The following TMEM204 variants were observed in gnomAD, a reference collection of about 807,000 sequenced individuals.
TMEM204 encodes the protein claudin-like protein 24.
Under a neutral mutation model 19.4 loss-of-function variants are expected in TMEM204, and 15 were observed. That is an observed-to-expected ratio of 0.77 (90% CI 0.52 to 1.19). TMEM204 has a LOEUF of 1.19. Among genes scored for constraint, TMEM204 ranks in the 50% most tolerant of loss-of-function variants. The probability of loss-of-function intolerance (pLI) is 0.00; values close to 1 mark genes in which losing one functional copy is unlikely to be tolerated. For synonymous variants in TMEM204, 161 were observed against 146.0 expected (o/e 1.10, Z -0.74); for missense variants, 287 against 321.2 (o/e 0.89, Z 0.81).
At chr16:1,535,378 A>C (rs1323749089) in intron 1 of TMEM204, among the ~76,000 whole-genome samples, 4 of 152,184 alleles carry the variant, frequency 2.6e-5, no homozygotes, top group African/African-American at 9.7e-5. Context: ...CTCAACAGTC[A>C]CGGCACAGGG....
intron 2 of TMEM204, 29 bp from the exon 3 acceptor site, chr16:1,554,753 A>T: frequency 6.2e-7 from 1 of 1,610,534 alleles, no homozygotes; most frequent in East Asian, 2.2e-5. Flanking sequence ...CTCTCAGACA[A>T]GGCCTCTCAA....
upstream of TMEM204, chr16:1,533,630 G>A (rs1341211770): frequency 2.6e-5 from 4 of 152,238 alleles, no homozygotes; most frequent in African/African-American, 9.7e-5. This position sits in a 1 kb window ranked among gnomAD's most constrained non-coding sequence, Gnocchi z 4.7. Context: ...GGTTGGCTAC[G>A]CCTTCCAGCT....
rs1011925070 is a variant in TMEM204, at chr16:1,553,270, CTCTG to C, written c.437-1508_437-1505del. 1.0e-6 allele frequency: 1 copy of C among 979,698 alleles called. No individual in the cohort carries two copies. The highest frequency in any genetic ancestry group is 1.2e-6 in the Non-Finnish European group (1 of 824,950). 60.7% of individuals were successfully genotyped at this position (979,698 alleles called of 1,614,324 possible). On this transcript the variant is annotated intron_variant, in intron 2 of 2. Transcript: ENST00000566264. This position sits in a 1 kb window ranked among gnomAD's most constrained non-coding sequence, Gnocchi z 4.4. ...TCTGTCTCTCTGTATCTCTCTTGGTCTCTGTCTCTCTGTGTCTCTGCCTGTCTCT... is the reference window on the plus strand; with the variant it reads ...TCTGTCTCTCTGTATCTCTCTTGGTCTCTCTCTGTGTCTCTGCCTGTCTCT...
chr16:1,543,391 C>T (rs189059543), intron 2 of TMEM204, among the ~76,000 whole-genome samples: 187 of 152,330 alleles, frequency 1.2e-3, no homozygotes, highest in Middle Eastern at 3.4e-3. Flanking sequence ...GTGCCCTGAG[C>T]GAGTCAGGCC....
At position 1,534,118 on chromosome 16, in the gene TMEM204, G is replaced by A. The variant is rs147777368; in HGVS notation, c.-158G>A. 1.9e-5 allele frequency: 17 copies of A among 872,526 alleles called. No homozygotes were observed. The highest frequency in any genetic ancestry group is 1.6e-4 in the Admixed American group (5 of 30,706). The allele number at this position is 872,526 out of a possible 1,614,324, so 54.0% of individuals were successfully genotyped here. On this transcript the variant is annotated 5_prime_UTR_variant, in exon 1 of 3. Coordinates refer to ENST00000566264, the MANE Select transcript of TMEM204 (RefSeq NM_024600.6). ...GGAGGATAAGGCCGGGCCGAGAGGC[G>A]GCACACCTGGACCATCCCATGGGCC...
rs186729006 is a variant in TMEM204, at chr16:1,534,437, G to C, written c.162G>C (p.Arg54Ser). 1.3e-3 allele frequency: 2,092 copies of C among 1,611,952 alleles called. 60 individuals carry two copies. The East Asian group carries it at 0.043, about 33-fold the overall frequency. ...GLWRSCWLVD[R>S]TRGGPSPGAR... ...GGAGGTCCTGCTGGCTGGTGGACAG[G>C]ACCCGGGGAGGGCCGAGCCCTGGGG... The change falls in exon 1 of 3, where the codon AGG becomes AGC. Residue 54 changes from arginine to serine, a missense_variant. Coordinates refer to ENST00000566264, the MANE Select transcript of TMEM204 (RefSeq NM_024600.6).
intron 2 of TMEM204, among the ~76,000 whole-genome samples, chr16:1,543,433 T>C (rs985315749): frequency 6.6e-6 from 1 of 152,100 alleles, no homozygotes; most frequent in Non-Finnish European, 1.5e-5. Context: ...TAGCATGGCG[T>C]GGCCCTGGGC....
chr16:1,554,762 A>G lies in TMEM204; in HGVS notation c.437-20A>G. The G allele has an allele frequency of 1.9e-6, 3 of 1,612,840 alleles. No homozygotes were observed. The highest frequency in any genetic ancestry group is 2.5e-6 in the Non-Finnish European group (3 of 1,179,016). On this transcript the variant is annotated intron_variant, in intron 2 of 2. Transcript: ENST00000566264. Reference sequence around the variant, plus strand: ...GCCTTCCTCTCAGACAAGGCCTCTCAACCCTTCTCTCATCTGCAGGTTTTG... The same window carrying G: ...GCCTTCCTCTCAGACAAGGCCTCTCGACCCTTCTCTCATCTGCAGGTTTTG...
chr16:1,542,450 C>T (rs1161056526), intron 2 of TMEM204, among the ~76,000 whole-genome samples: 3 of 152,218 alleles, frequency 2.0e-5, no homozygotes, highest in African/African-American at 4.8e-5. Flanking sequence ...AATGCTGAGG[C>T]AGCTGGTGGG....
chr16:1,547,859 C>T (rs554451030), intron 2 of TMEM204, among the ~76,000 whole-genome samples: 1 of 152,212 alleles, frequency 6.6e-6, no homozygotes, highest in East Asian at 1.9e-4. Flanking sequence ...TTTCTTAAAG[C>T]ATAGATGGGG....
At chr16:1,543,863 C>T (rs1028141043) in intron 2 of TMEM204, among the ~76,000 whole-genome samples, 3 of 152,082 alleles carry the variant, frequency 2.0e-5, no homozygotes, top group Non-Finnish European at 2.9e-5. Context: ...TCGGAAATGC[C>T]GTGGCTTAAA....
In TMEM204 at chr16:1,553,731, C is replaced by G; in HGVS notation, c.437-1051C>G. ...CCTCCAGGACAATCTGTGGCCACATCCCCATGGCTGTAGGGGATGAGGAGG... is the reference window on the plus strand; with the variant it reads ...CCTCCAGGACAATCTGTGGCCACATGCCCATGGCTGTAGGGGATGAGGAGG... On this transcript the variant is annotated intron_variant, in intron 2 of 2. Transcript: ENST00000566264. The surrounding 1 kb of genome is among the most constrained non-coding windows in gnomAD (Gnocchi z 4.4). The G allele has an allele frequency of 8.8e-7, 1 of 1,137,108 alleles. No individual in the cohort carries two copies. The highest frequency in any genetic ancestry group is 1.1e-6 in the Non-Finnish European group (1 of 913,166). 70.4% of individuals were successfully genotyped at this position (1,137,108 alleles called of 1,614,324 possible).
intron 1 of TMEM204, 25 bp downstream of exon 1, chr16:1,534,580 C>T: frequency 6.3e-7 from 1 of 1,598,092 alleles, no homozygotes. Context: ...TTTCCTGATG[C>T]CTTCAGCGTG....
intron 1 of TMEM204, chr16:1,541,484 G>A (rs983306195): frequency 8.1e-6 from 8 of 985,440 alleles, no homozygotes; most frequent in Non-Finnish European, 9.6e-6. Context: ...GCCCCCCGCG[G>A]AGTCTCCGGT....
chr16:1,534,421 G>C lies in TMEM204; in HGVS notation c.146G>C (p.Cys49Ser), dbSNP rs2030842400. The C allele has an allele frequency of 6.2e-7, 1 of 1,612,384 alleles. No homozygotes were observed. The highest frequency in any genetic ancestry group is 8.5e-7 in the Non-Finnish European group (1 of 1,179,808). Residue 49 changes from cysteine to serine, a missense_variant, in exon 1 of 3, where the codon TGC becomes TCC. Transcript: ENST00000566264. ...CGCAGCGTGGGGCTGTGGAGGTCCT[G>C]CTGGCTGGTGGACAGGACCCGGGGA... is the stretch of plus-strand genomic sequence containing the variant. ...RRRSVGLWRS[C>S]WLVDRTRGGP...
rs776193501 is a variant in TMEM204 at position 1,534,302 on chromosome 16, G to A, written c.27G>A (p.Ala9=). MTVQRLVA[A]AVLVALVSLI... ...TGACCGTGCAGAGACTCGTGGCCGC[G>A]GCCGTGCTGGTGGCCCTGGTCTCAC... Residue 9 remains alanine, a synonymous_variant, in exon 1 of 3, where the codon GCG becomes GCA. Transcript: ENST00000566264. The A allele has an allele frequency of 1.2e-5, 20 of 1,612,344 alleles. No individual in the cohort carries two copies. Among genetic ancestry groups the A allele is most frequent in the Non-Finnish European group, 1.6e-5 (19 of 1,179,856 alleles).
intron 2 of TMEM204, among the ~76,000 whole-genome samples, chr16:1,546,652 G>A (rs1376045786): frequency 1.3e-5 from 2 of 152,204 alleles, no homozygotes; most frequent in African/African-American, 2.4e-5. Context: ...CCTCGGGGGC[G>A]CAAACTGTCC....
chr16:1,530,728 G>C (rs1439392630), upstream of TMEM204: 3 of 151,864 alleles, frequency 2.0e-5, no homozygotes, highest in Non-Finnish European at 2.9e-5. Context: ...CGCCCGTGGG[G>C]AGCGGGAGAG....
intron 1 of TMEM204, among the ~76,000 whole-genome samples, chr16:1,537,325 G>T (rs544903814): frequency 1.3e-5 from 2 of 152,242 alleles, no homozygotes; most frequent in Admixed American, 1.3e-4. Context: ...GTCTCCGGAC[G>T]GCTCTGTGCC....
Sources: allele counts gnomAD v4.1 joint callset (sites outside exome capture counted in the v4.1 genomes callset), GRCh38; gene constraint gnomAD v4.1.1; non-coding constraint Gnocchi (gnomAD v3.1); transcripts MANE v1.5; gene names NCBI Gene and HGNC (gene_info 2026-07-23, HGNC 2026-07-21).